Variants in TIMM44 observed in about 807,000 individuals in gnomAD.
TIMM44 encodes the protein translocase of inner mitochondrial membrane 44.
Under a neutral mutation model 63.8 loss-of-function variants are expected in TIMM44, and 37 were observed. The ratio of observed to expected loss-of-function variants is 0.58; its 90% CI spans 0.45 to 0.76. The LOEUF (loss-of-function observed/expected upper bound fraction) is 0.76. TIMM44 is among the 30% of genes least tolerant of loss of function. The probability of loss-of-function intolerance (pLI) is 0.00; values close to 1 mark genes in which losing one functional copy is unlikely to be tolerated. For synonymous variants in TIMM44, 239 were observed against 245.1 expected (o/e 0.98, Z 0.23); for missense variants, 573 against 603.8 (o/e 0.95, Z 0.54).
chr19:7,932,025 G>C (rs1983999443), intron 9 of TIMM44, among the ~76,000 whole-genome samples: 1 of 152,232 alleles, frequency 6.6e-6, no homozygotes, highest in Admixed American at 6.5e-5. Flanking sequence ...CCAGAGGCCT[G>C]GCCCGACTGG....
intron 9 of TIMM44, 192 bp from the exon 10 acceptor site, chr19:7,931,380 C>A: frequency 1.6e-6 from 1 of 641,792 alleles, no homozygotes; most frequent in Admixed American, 2.4e-5. Flanking sequence ...GTGTCAGTGC[C>A]TGGCTCTGGC....
chr19:7,927,204 T>C lies in TIMM44; in HGVS notation c.1342A>G (p.Thr448Ala), dbSNP rs1362926811. ...CACCACACTCAGAGAATCTGCTCGG[T>C]GCTGGAGGCCGAGATGTCCAGGAGC... ...WRLLDISASSTEQIL is the reference protein window; with the variant it reads ...WRLLDISASSAEQIL Residue 448 changes from threonine to alanine, a missense_variant, in exon 13 of 13, where the codon ACC (threonine) becomes GCC (alanine). Physicochemically the swap from Thr to Ala is moderately conservative, Grantham distance 58. Coordinates refer to ENST00000270538, the MANE Select transcript of TIMM44 (RefSeq NM_006351.4). 1 of 1,610,296 alleles carries C rather than the reference T, an allele frequency of 6.2e-7. No individual in the cohort carries two copies.
chr19:7,941,724 G>C (rs1984317181), intron 1 of TIMM44, among the ~76,000 whole-genome samples: 1 of 151,972 alleles, frequency 6.6e-6, no homozygotes. Flanking sequence ...ATCTATCCTC[G>C]TGCCCCTGAA....
chr19:7,934,271 C>T lies in TIMM44; in HGVS notation c.394-33G>A. On this transcript the variant is annotated intron_variant, in intron 4 of 12. Transcript: ENST00000270538. The surrounding 1 kb of genome is among the most constrained non-coding windows in gnomAD (Gnocchi z 5.3). ...GACAGACACAGAGAGGGGGCGTTGG[C>T]ACCGGCCCTGGCGGCCGGGGGGCGG... 1 of 1,607,916 alleles carries T rather than the reference C, an allele frequency of 6.2e-7. No homozygotes were observed. The highest frequency in any genetic ancestry group is 8.5e-7 in the Non-Finnish European group (1 of 1,179,876).
At chr19:7,939,071 A>G (rs957508174) in intron 2 of TIMM44, among the ~76,000 whole-genome samples, 1 of 152,044 alleles carries the variant, frequency 6.6e-6, no homozygotes, top group African/African-American at 2.4e-5. Context: ...GGGCAGTGAA[A>G]CTACTCTTAT....
At chr19:7,936,697 G>A (rs1984163288) in intron 3 of TIMM44, among the ~76,000 whole-genome samples, 1 of 152,182 alleles carries the variant, frequency 6.6e-6, no homozygotes, top group Non-Finnish European at 1.5e-5. Context: ...GCTGGGAGCA[G>A]TGGCTCACAC....
At chr19:7,930,619 T>G (rs918014881) in intron 10 of TIMM44, among the ~76,000 whole-genome samples, 1 of 152,212 alleles carries the variant, frequency 6.6e-6, no homozygotes, top group Non-Finnish European at 1.5e-5. Flanking sequence ...TGGCTCATTT[T>G]AAATGTTTTT....
intron 10 of TIMM44, chr19:7,928,934 A>AAAAAC (rs1271388199): frequency 2.6e-5 from 4 of 151,150 alleles, no homozygotes; most frequent in African/African-American, 9.7e-5. Flanking sequence ...AAAAAAAAAA[A>AAAAAC]AAAAAAAAAA....
Position 7,927,301 on chromosome 19 carries a change from C to G in TIMM44, c.1245G>C (p.Lys415Asn). 1 of 1,610,630 alleles carries G rather than the reference C, an allele frequency of 6.2e-7. No individual in the cohort carries two copies. Among genetic ancestry groups the G allele is most frequent in the South Asian group, 1.1e-5 (1 of 91,014 alleles). ...KGEVVEGDPD[K>N]VLRMLYVWAL... ...CCCACACGTACAGCATCCGCAGCAC[C>G]TTGTCCTGCAGGGTGGGGTGGGAAG... The change falls in exon 13 of 13, where the codon AAG becomes AAC. Residue 415 changes from lysine to asparagine, a missense_variant. Physicochemically the swap from Lys to Asn is moderately conservative, Grantham distance 94 (BLOSUM62 0). Coordinates refer to ENST00000270538, the MANE Select transcript of TIMM44 (RefSeq NM_006351.4).
chr19:7,932,556 C>A (rs150868148), intron 9 of TIMM44, 71 bp downstream of exon 9: 10 of 1,590,356 alleles, frequency 6.3e-6, no homozygotes, highest in East Asian at 2.2e-5. Flanking sequence ...CCCAGGGTGC[C>A]GGCTGCGGCG....
Position 7,927,027 on chromosome 19 carries a change from G to A in TIMM44, c.*160C>T. The A allele has an allele frequency of 2.8e-6, 3 of 1,070,188 alleles. No homozygotes were observed. The highest frequency in any genetic ancestry group is 2.1e-5 in the Admixed American group (1 of 47,864). The allele number at this position is 1,070,188 out of a possible 1,614,324, so 66.3% of individuals were successfully genotyped here. A position where few individuals can be genotyped will look rare whatever the true frequency, so the allele number is the denominator to read the frequency against. ...AGCTGCCGCGCACCCGCAACAGCCC[G>A]TTGTCCCCTCCCGGGCCAGCTGGTC... On this transcript the variant is annotated 3_prime_UTR_variant, in exon 13 of 13. Coordinates refer to ENST00000270538, the MANE Select transcript of TIMM44 (RefSeq NM_006351.4).
Position 7,933,716 on chromosome 19 carries a change from A to T in TIMM44, c.684-146T>A. ...TCTGAGGACCCCGCCCTCACCTCTC[A>T]CCCTCAAATTCGAGGGAGCCGGGAA... is the stretch of plus-strand genomic sequence containing the variant. On this transcript the variant is annotated intron_variant, in intron 6 of 12. Coordinates refer to ENST00000270538, the MANE Select transcript of TIMM44 (RefSeq NM_006351.4). This position sits in a 1 kb window ranked among gnomAD's most constrained non-coding sequence, Gnocchi z 4.3. 1 of 1,369,712 alleles carries T rather than the reference A, an allele frequency of 7.3e-7. No individual in the cohort carries two copies. The highest frequency in any genetic ancestry group is 1.0e-6 in the Non-Finnish European group (1 of 968,102). 84.8% of individuals were successfully genotyped at this position (1,369,712 alleles called of 1,614,324 possible).
chr19:7,929,858 T>C (rs1171619094), intron 10 of TIMM44, among the ~76,000 whole-genome samples: 2 of 152,120 alleles, frequency 1.3e-5, no homozygotes, highest in Non-Finnish European at 2.9e-5. Context: ...AATTATTATT[T>C]CTTTTTTTTT....
At chr19:7,938,768 C>T (rs1049762213) in intron 2 of TIMM44, among the ~76,000 whole-genome samples, 1 of 152,056 alleles carries the variant, frequency 6.6e-6, no homozygotes, top group Non-Finnish European at 1.5e-5. Flanking sequence ...GATTATGCCA[C>T]AGCACTCCAG....
At position 7,933,598 on chromosome 19, in the gene TIMM44, A is replaced by G; in HGVS notation, c.684-28T>C. The G allele has an allele frequency of 6.3e-7, 1 of 1,598,202 alleles. No homozygotes were observed. The highest frequency in any genetic ancestry group is 8.6e-7 in the Non-Finnish European group (1 of 1,165,816). ...GGGGAAGAGGGTGGGCCCTGGGGTG[A>G]GCGGCGGCGCCAGGGCCACCCTGTG... On this transcript the variant is annotated intron_variant, in intron 6 of 12. Coordinates refer to ENST00000270538, the MANE Select transcript of TIMM44 (RefSeq NM_006351.4). The surrounding 1 kb of genome is among the most constrained non-coding windows in gnomAD (Gnocchi z 4.3).
At chr19:7,927,586 C>T in intron 12 of TIMM44, 71 bp downstream of exon 12, 4 of 1,460,918 alleles carry the variant, frequency 2.7e-6, no homozygotes, top group East Asian at 2.3e-5. Context: ...GGGGTCTCTG[C>T]CAGGTGGCCA....
At chr19:7,940,814 A>G (rs1163478347) in intron 2 of TIMM44, among the ~76,000 whole-genome samples, 2 of 151,956 alleles carry the variant, frequency 1.3e-5, no homozygotes, top group Admixed American at 1.3e-4. Context: ...GGGAAGTAGA[A>G]TTCAGTTCAA....
Position 7,930,069 on chromosome 19 carries a change from G to A in TIMM44, c.1038+1069C>T, listed in dbSNP as rs989964152. ...TCACCATGTTGGCCAGACTGGTCTC[G>A]AACTCCTGACCTCAGGTGATCCGCC... On this transcript the variant is annotated intron_variant, in intron 10 of 12. Coordinates refer to ENST00000270538, the MANE Select transcript of TIMM44 (RefSeq NM_006351.4). 3.3e-5 allele frequency among the ~76,000 whole-genome samples: 5 copies of A among 151,894 alleles called. No individual in the cohort carries two copies. The South Asian group carries it at 6.3e-4, about 19-fold the overall frequency.
chr19:7,933,604 G>A lies in TIMM44; in HGVS notation c.684-34C>T, dbSNP rs755383237. On this transcript the variant is annotated intron_variant, in intron 6 of 12. Coordinates refer to ENST00000270538, the MANE Select transcript of TIMM44 (RefSeq NM_006351.4). This position sits in a 1 kb window ranked among gnomAD's most constrained non-coding sequence, Gnocchi z 4.3. ...GAGGGTGGGCCCTGGGGTGAGCGGCGGCGCCAGGGCCACCCTGTGCCCTCC... is the reference window on the plus strand; with the variant it reads ...GAGGGTGGGCCCTGGGGTGAGCGGCAGCGCCAGGGCCACCCTGTGCCCTCC... The A allele has an allele frequency of 3.0e-5, 48 of 1,576,622 alleles. No individual in the cohort carries two copies. Among genetic ancestry groups the A allele is most frequent in the Admixed American group, 1.7e-4 (10 of 59,922 alleles).
Sources: gnomAD v4.1 joint callset for allele counts (sites outside exome capture counted in the v4.1 genomes callset) on GRCh38, gnomAD v4.1.1 for gene constraint, Gnocchi (gnomAD v3.1) non-coding constraint, MANE v1.5 for transcripts, NCBI Gene and HGNC (gene_info 2026-07-23, HGNC 2026-07-21) for gene names.